Variants in MAF observed in about 807,000 individuals in gnomAD.
MAF encodes MAF bZIP transcription factor, also known as transcription factor Maf.
Under a neutral mutation model 22.0 loss-of-function variants are expected in MAF, and 10 were observed. That is an observed-to-expected ratio of 0.45 (90% CI 0.28 to 0.77). The LOEUF (loss-of-function observed/expected upper bound fraction) is 0.77, where lower values mean the gene tolerates loss of function less well. Ranked by LOEUF, MAF falls within the 30% of genes least tolerant of loss-of-function variation. The pLI is 0.12. For synonymous variants in MAF, 337 were observed against 255.8 expected, an observed-to-expected ratio of 1.32 and a Z score of -3.03; for missense variants, 544 against 548.4, an observed-to-expected ratio of 0.99 and a Z score of 0.08.
chr16:79,401,285 C>T, the MAF span, among the ~76,000 whole-genome samples: 6 of 152,264 alleles, frequency 3.9e-5, no homozygotes, highest in East Asian at 7.7e-4. Context: ...AAATAGATTC[C>T]GATTTAGTTT....
At chr16:79,206,962 G>C in the MAF span, among the ~76,000 whole-genome samples, 2,578 of 151,854 alleles carry the variant, frequency 0.017, 78 homozygotes, top group African/African-American at 0.059. Flanking sequence ...TGTTTCCAAT[G>C]AGAGATTGAA....
chr16:79,508,241 G>A, the MAF span, among the ~76,000 whole-genome samples: 1 of 152,156 alleles, frequency 6.6e-6, no homozygotes. Context: ...GGGAGGCCGC[G>A]TGGTGTCTGG....
the MAF span, among the ~76,000 whole-genome samples, chr16:79,318,461 G>C: frequency 6.6e-6 from 1 of 152,114 alleles, no homozygotes; most frequent in African/African-American, 2.4e-5. Flanking sequence ...GCAAACATGT[G>C]ACAGCCACAA....
chr16:79,233,572 A>G, the MAF span, among the ~76,000 whole-genome samples: 1 of 152,140 alleles, frequency 6.6e-6, no homozygotes, highest in East Asian at 1.9e-4. Context: ...TGGGCTAAGC[A>G]CAAGTACTGT....
At chr16:79,334,803 C>T in the MAF span, among the ~76,000 whole-genome samples, 1 of 151,714 alleles carries the variant, frequency 6.6e-6, no homozygotes, top group East Asian at 1.9e-4. Flanking sequence ...AGTGAGTTTC[C>T]ATGCAGGGCA....
chr16:79,526,897 T>C, the MAF span, among the ~76,000 whole-genome samples: 3 of 152,356 alleles, frequency 2.0e-5, no homozygotes, highest in Middle Eastern at 0.01. Context: ...TCTACTTTTA[T>C]AAATAAAAAT....
chr16:79,447,016 A>G, the MAF span, among the ~76,000 whole-genome samples: 1 of 152,194 alleles, frequency 6.6e-6, no homozygotes, highest in African/African-American at 2.4e-5. Flanking sequence ...TAAATGTTCA[A>G]TATTATAAAT....
the MAF span, among the ~76,000 whole-genome samples, chr16:79,315,801 G>A: frequency 2.8e-4 from 42 of 152,310 alleles, no homozygotes; most frequent in African/African-American, 8.9e-4. Context: ...CCCAAGTCCC[G>A]TCCTCTCCAC....
the MAF span, among the ~76,000 whole-genome samples, chr16:79,547,408 A>T: frequency 1.3e-5 from 2 of 152,040 alleles, no homozygotes; most frequent in Non-Finnish European, 2.9e-5. Context: ...ACACACATAC[A>T]ATCAGTTAAT....
At chr16:79,497,517 G>C in the MAF span, among the ~76,000 whole-genome samples, 3 of 152,200 alleles carry the variant, frequency 2.0e-5, no homozygotes, top group East Asian at 3.9e-4. Context: ...CCTATACCTA[G>C]CTCTTTTTTA....
the MAF span, among the ~76,000 whole-genome samples, chr16:79,289,462 G>A: frequency 6.6e-6 from 1 of 152,194 alleles, no homozygotes; most frequent in African/African-American, 2.4e-5. Context: ...CGTGAGAGAA[G>A]GCAGAGGAAG....
chr16:79,407,092 G>T, the MAF span, among the ~76,000 whole-genome samples: 1 of 152,196 alleles, frequency 6.6e-6, no homozygotes. Flanking sequence ...TTGGCACCAG[G>T]GAGGGTGTCG....
At chr16:79,242,952 T>C in the MAF span, among the ~76,000 whole-genome samples, 1 of 152,024 alleles carries the variant, frequency 6.6e-6, no homozygotes, top group Non-Finnish European at 1.5e-5. Context: ...GAATGACTGC[T>C]GGGTAAATAA....
the MAF span, among the ~76,000 whole-genome samples, chr16:79,417,001 C>G: frequency 6.6e-6 from 1 of 152,170 alleles, no homozygotes; most frequent in Non-Finnish European, 1.5e-5. Context: ...AACATGGAAT[C>G]CAGGCAAACA....
the MAF span, among the ~76,000 whole-genome samples, chr16:79,323,208 G>T: frequency 8.7e-6 from 1 of 114,772 alleles, no homozygotes; most frequent in Non-Finnish European, 1.7e-5. Context: ...CACTAGTGAT[G>T]ATAAGAGTTC....
chr16:79,443,447 T>A, the MAF span, among the ~76,000 whole-genome samples: 1 of 152,176 alleles, frequency 6.6e-6, no homozygotes. Context: ...TCTGGTTGGA[T>A]GGCCCAAGCC....
chr16:79,347,594 A>C, the MAF span, among the ~76,000 whole-genome samples: 1 of 152,202 alleles, frequency 6.6e-6, no homozygotes, highest in Admixed American at 6.5e-5. Context: ...AGCGGGGAAC[A>C]AAAGCGGCAG....
At chr16:79,374,355 G>T in the MAF span, among the ~76,000 whole-genome samples, 2 of 152,116 alleles carry the variant, frequency 1.3e-5, no homozygotes, top group East Asian at 1.9e-4. Context: ...TGGTCAATGA[G>T]CTCTGTAGAA....
the MAF span, among the ~76,000 whole-genome samples, chr16:79,538,875 G>C: frequency 2.9e-5 from 1 of 34,546 alleles, no homozygotes; most frequent in South Asian, 8.4e-4. Context: ...GAAAAGAAAA[G>C]AAAGAAAGAA....
Sources: gnomAD v4.1 joint callset for allele counts (sites outside exome capture counted in the v4.1 genomes callset) on GRCh38, gnomAD v4.1.1 for gene constraint, MANE v1.5 for transcripts, NCBI Gene and HGNC (gene_info 2026-07-23, HGNC 2026-07-21) for gene names.